The following NAV2 variants were observed in gnomAD, a reference collection of about 807,000 sequenced individuals.
NAV2 encodes neuron navigator 2.
Under a neutral mutation model 223.2 loss-of-function variants are expected in NAV2, and 54 were observed. The ratio of observed to expected loss-of-function variants is 0.24; its 90% CI spans 0.19 to 0.30. The LOEUF (loss-of-function observed/expected upper bound fraction) is 0.30. Among genes scored for constraint, NAV2 ranks in the 10% least tolerant of loss-of-function variants. The probability of loss-of-function intolerance (pLI) is 1.00; values close to 1 mark genes in which losing one functional copy is unlikely to be tolerated. For synonymous variants in NAV2, 1,279 were observed against 1,239.3 expected, an observed-to-expected ratio of 1.03 and a Z score of -0.67; for missense variants, 2,806 against 3,147.5, an observed-to-expected ratio of 0.89 and a Z score of 2.60.
chr11:19,714,385 G>T, intron 1 of NAV2: 1 of 466,864 alleles, frequency 2.1e-6, no homozygotes, highest in Non-Finnish European at 4.3e-6. Flanking sequence ...ATGATCTAAG[G>T]CCCCATTGGG....
chr11:19,935,035 T>C (rs1160808298), intron 7 of NAV2, among the ~76,000 whole-genome samples: 2 of 152,138 alleles, frequency 1.3e-5, no homozygotes, highest in African/African-American at 4.8e-5. Flanking sequence ...TTGCTCAGGC[T>C]ACACCACACC....
At chr11:20,041,243 G>A (rs868738339) in intron 12 of NAV2, among the ~76,000 whole-genome samples, 3 of 152,170 alleles carry the variant, frequency 2.0e-5, no homozygotes, top group African/African-American at 7.2e-5. Flanking sequence ...TGGTTAAAAT[G>A]TGGGCTCTGC....
In NAV2 at chr11:20,090,961, A is replaced by G; in HGVS notation, c.5595A>G (p.Glu1865=). The G allele has an allele frequency of 6.2e-7, 1 of 1,613,950 alleles. No individual in the cohort carries two copies. Among genetic ancestry groups the G allele is most frequent in the Non-Finnish European group, 8.5e-7 (1 of 1,179,882 alleles). ...KEMKLTDIRL[E]ALSSAHQLDQ... ...TGAAGCTGACGGATATCCGCTTAGA[A>G]GCTCTCAGTTCTGCCCACCAGCTGG... Residue 1865 remains glutamate (E), a synonymous_variant, in exon 27 of 38, where the codon GAA becomes GAG. Transcript: ENST00000349880.
chr11:19,875,523 A>G (rs1053164123), intron 4 of NAV2, among the ~76,000 whole-genome samples: 2 of 152,230 alleles, frequency 1.3e-5, no homozygotes, highest in Admixed American at 6.5e-5. Flanking sequence ...AAGTAAAACC[A>G]TCACAAGTTG....
chr11:19,479,260 T>G (rs1467011872), intron 1 of NAV2, among the ~76,000 whole-genome samples: 1 of 152,214 alleles, frequency 6.6e-6, no homozygotes, highest in African/African-American at 2.4e-5. Context: ...TGGCTCTCTC[T>G]GGTGGCATAT....
chr11:20,019,994 T>TAAA (rs763255071), intron 11 of NAV2, among the ~76,000 whole-genome samples: 1 of 134,046 alleles, frequency 7.5e-6, no homozygotes, highest in African/African-American at 2.8e-5. Context: ...GGGCATGAGG[T>TAAA]AAAAAAAAAA....
intron 1 of NAV2, among the ~76,000 whole-genome samples, chr11:19,659,998 T>A (rs1247002676): frequency 6.6e-6 from 1 of 152,170 alleles, no homozygotes; most frequent in Non-Finnish European, 1.5e-5. Flanking sequence ...ACTAGTCTAT[T>A]GATCATTTCT....
At chr11:19,586,512 A>G (rs1379920581) in intron 1 of NAV2, among the ~76,000 whole-genome samples, 2 of 151,946 alleles carry the variant, frequency 1.3e-5, no homozygotes, top group African/African-American at 2.4e-5. Flanking sequence ...TTGTGGTTTT[A>G]TCTACCTTTG....
At chr11:20,006,531 C>T (rs892696795) in intron 11 of NAV2, among the ~76,000 whole-genome samples, 1 of 151,986 alleles carries the variant, frequency 6.6e-6, no homozygotes, top group Non-Finnish European at 1.5e-5. Context: ...AAAAATTAGC[C>T]AGGTGTGGTG....
intron 1 of NAV2, among the ~76,000 whole-genome samples, chr11:19,808,140 A>G (rs942544330): frequency 7.2e-5 from 11 of 152,228 alleles, no homozygotes; most frequent in Admixed American, 2.6e-4. Flanking sequence ...GCAAACACAT[A>G]TAAAGGACTT....
intron 1 of NAV2, among the ~76,000 whole-genome samples, chr11:19,775,121 C>G (rs2056051939): frequency 6.6e-6 from 1 of 152,152 alleles, no homozygotes; most frequent in African/African-American, 2.4e-5. Flanking sequence ...GTTTTGCTCT[C>G]TTAGCCAATA....
intron 6 of NAV2, among the ~76,000 whole-genome samples, chr11:19,914,842 C>T (rs1388101121): frequency 1.3e-5 from 2 of 152,206 alleles, no homozygotes; most frequent in African/African-American, 4.8e-5. Flanking sequence ...CCGCGCCCGG[C>T]CTGTTGTTCC....
At chr11:19,729,000 G>C (rs1559666) in intron 1 of NAV2, among the ~76,000 whole-genome samples, 50,211 of 151,954 alleles carry the variant, frequency 0.33, 8,539 homozygotes, top group African/African-American at 0.42. Flanking sequence ...ATGTACTCAG[G>C]ATTACCCAGG....
At chr11:19,905,296 C>A (rs116543268) in intron 6 of NAV2, among the ~76,000 whole-genome samples, 1,928 of 152,270 alleles carry the variant, frequency 0.013, 39 homozygotes, top group African/African-American at 0.044. Context: ...AGGATGGGTG[C>A]CACACAGAAG....
intron 1 of NAV2, among the ~76,000 whole-genome samples, chr11:19,805,533 C>G (rs1314808403): frequency 6.6e-6 from 1 of 152,154 alleles, no homozygotes; most frequent in Non-Finnish European, 1.5e-5. Context: ...GAGATGGACT[C>G]AGACGAATAA....
At chr11:19,902,760 A>G (rs2042556206) in intron 6 of NAV2, among the ~76,000 whole-genome samples, 1 of 152,236 alleles carries the variant, frequency 6.6e-6, no homozygotes, top group Non-Finnish European at 1.5e-5. Context: ...ATCTGTAGTC[A>G]GGACTTAGTT....
chr11:19,831,033 G>A (rs74989156), intron 1 of NAV2, among the ~76,000 whole-genome samples: 1 of 151,988 alleles, frequency 6.6e-6, no homozygotes, highest in Non-Finnish European at 1.5e-5. Context: ...AGAGCTTCTA[G>A]GTGGGTGGGT....
At chr11:19,516,450 C>G (rs1386445) in intron 1 of NAV2, among the ~76,000 whole-genome samples, 46,875 of 152,098 alleles carry the variant, frequency 0.31, 8,231 homozygotes, top group Admixed American at 0.4. Flanking sequence ...GTTGTGAACA[C>G]TTTTAAGGCT....
At chr11:19,895,375 C>G (rs1210585202) in intron 6 of NAV2, among the ~76,000 whole-genome samples, 2 of 152,042 alleles carry the variant, frequency 1.3e-5, no homozygotes, top group Non-Finnish European at 2.9e-5. Flanking sequence ...CTGCGCCTGG[C>G]CTGATTTTCA....
Sources: allele counts gnomAD v4.1 joint callset (sites outside exome capture counted in the v4.1 genomes callset), GRCh38; gene constraint gnomAD v4.1.1; transcripts MANE v1.5; gene names NCBI Gene and HGNC (gene_info 2026-07-23, HGNC 2026-07-21).